The following ARMH3 variants were observed in gnomAD, a reference collection of about 807,000 sequenced individuals.
ARMH3 encodes armadillo-like helical domain-containing protein 3.
Under a neutral mutation model 99.1 loss-of-function variants are expected in ARMH3, and 60 were observed. The ratio of observed to expected loss-of-function variants is 0.61; its 90% CI spans 0.49 to 0.75. The LOEUF is 0.75. Among genes scored for constraint, ARMH3 ranks in the 30% least tolerant of loss-of-function variants. The pLI, the probability that ARMH3 is intolerant of heterozygous loss-of-function variation, is 0.00. For synonymous variants in ARMH3, 285 were observed against 292.8 expected (o/e 0.97, Z 0.27); for missense variants, 679 against 843.1 (o/e 0.81, Z 2.41).
At chr10:102,032,886 G>A (rs2067164901) in intron 4 of ARMH3, 140 bp downstream of exon 4, 9 of 875,952 alleles carry the variant, frequency 1.0e-5, no homozygotes, top group Non-Finnish European at 1.6e-5. Context: ...AACAAACGTG[G>A]CATAAATATT....
At chr10:101,900,920 G>A (rs2067958766) in intron 23 of ARMH3, among the ~76,000 whole-genome samples, 1 of 151,940 alleles carries the variant, frequency 6.6e-6, no homozygotes, top group Non-Finnish European at 1.5e-5. Context: ...GGAGTTTGAG[G>A]TTACAGTGAG....
Position 101,849,842 on chromosome 10 carries a change from C to T in ARMH3, c.1911G>A (p.Gln637=). 1 of 1,614,202 alleles carries T rather than the reference C, an allele frequency of 6.2e-7. No individual in the cohort carries two copies. The highest frequency in any genetic ancestry group is 8.5e-7 in the Non-Finnish European group (1 of 1,180,040). The part of the protein sequence containing the change: ...ANYDTLTLKL[Q]DGLDQYERYS... Reference sequence around the variant, plus strand: ...AGCGCTCATACTGGTCCAGGCCATCCTGCAGCTTCAGCGTGAGCGTGTCAT... The same window carrying T: ...AGCGCTCATACTGGTCCAGGCCATCTTGCAGCTTCAGCGTGAGCGTGTCAT... The change falls in exon 25 of 26, where the codon CAG becomes CAA. Residue 637 remains glutamine (Q), a synonymous_variant. Transcript: ENST00000370033.
chr10:101,952,857 C>T (rs999620318), intron 22 of ARMH3, among the ~76,000 whole-genome samples: 2 of 152,222 alleles, frequency 1.3e-5, no homozygotes, highest in Non-Finnish European at 2.9e-5. Context: ...TGGTAATCAT[C>T]ATCCTACTTT....
At chr10:101,904,883 C>G (rs573455194) in intron 23 of ARMH3, among the ~76,000 whole-genome samples, 5 of 146,192 alleles carry the variant, frequency 3.4e-5, no homozygotes, top group South Asian at 2.1e-4. Context: ...ACTCGGGAGG[C>G]AGAGGTTGCA....
chr10:101,885,059 G>A (rs2067507294), intron 24 of ARMH3, among the ~76,000 whole-genome samples: 1 of 152,058 alleles, frequency 6.6e-6, no homozygotes, highest in African/African-American at 2.4e-5. Flanking sequence ...TACATGAAGA[G>A]ATGCTCAATA....
intron 22 of ARMH3, among the ~76,000 whole-genome samples, chr10:101,946,713 A>C (rs1844548478): frequency 1.3e-5 from 2 of 152,278 alleles, no homozygotes; most frequent in African/African-American, 4.8e-5. Context: ...GTCTCAGAAA[A>C]GGAGGAGACA....
At position 102,036,079 on chromosome 10, in the gene ARMH3, ACCTCCGCCCGG is replaced by A. The variant is rs1040596332; in HGVS notation, c.103-2751_103-2741del. Among the ~76,000 whole-genome samples the A allele has an allele frequency of 2.4e-5, 3 of 126,812 alleles. No individual in the cohort carries two copies. The East Asian group carries it at 7.7e-4, about 33-fold the overall frequency. The allele number at this position is 126,812 out of a possible 152,430, so 83.2% of individuals were successfully genotyped here. The stretch of plus-strand genomic sequence containing the variant: ...CCGCCCCGTCTGGGAAGTGAGGAGC[ACCTCCGCCCGG>A]CAGCCACCCCGTCTGGGAGGGAGGT... On this transcript the variant is annotated intron_variant, in intron 2 of 25. Coordinates refer to ENST00000370033, the MANE Select transcript of ARMH3 (RefSeq NM_024541.3).
intron 24 of ARMH3, among the ~76,000 whole-genome samples, chr10:101,852,619 C>A (rs2066629773): frequency 6.6e-6 from 1 of 151,950 alleles, no homozygotes; most frequent in Admixed American, 6.6e-5. Context: ...AGTGGTGGTG[C>A]GCACCTATAA....
intron 20 of ARMH3, among the ~76,000 whole-genome samples, chr10:101,969,832 G>C (rs1263014788): frequency 2.0e-5 from 3 of 152,142 alleles, no homozygotes. Context: ...ACTCTGTTTA[G>C]CGTCTGGTTC....
intron 23 of ARMH3, among the ~76,000 whole-genome samples, chr10:101,910,966 C>T (rs772326720): frequency 7.3e-5 from 11 of 151,710 alleles, no homozygotes; most frequent in Non-Finnish European, 1.5e-4. Flanking sequence ...ATGGTGAAAC[C>T]CCATCTCTAC....
chr10:101,974,927 A>G (rs1378509517), intron 20 of ARMH3, among the ~76,000 whole-genome samples: 1 of 152,034 alleles, frequency 6.6e-6, no homozygotes, highest in Non-Finnish European at 1.5e-5. Context: ...TTATTGGAAC[A>G]CAAGAAATAC....
chr10:101,947,228 A>G (rs1422580643), intron 22 of ARMH3, among the ~76,000 whole-genome samples: 1 of 152,100 alleles, frequency 6.6e-6, no homozygotes, highest in Non-Finnish European at 1.5e-5. Context: ...AACATACTAC[A>G]AACAATGGAA....
At chr10:102,013,889 G>A in intron 9 of ARMH3, 79 bp downstream of exon 9, 1 of 1,229,862 alleles carries the variant, frequency 8.1e-7, no homozygotes, top group Middle Eastern at 1.9e-4. Flanking sequence ...TCTGCTCTCT[G>A]TTCTAAATGT....
intron 11 of ARMH3, among the ~76,000 whole-genome samples, chr10:102,010,526 T>C (rs934896575): frequency 6.6e-6 from 1 of 152,208 alleles, no homozygotes; most frequent in African/African-American, 2.4e-5. Context: ...CCACTCTCCA[T>C]TTTTCAGATA....
chr10:102,022,158 T>C (rs772780193), intron 8 of ARMH3, among the ~76,000 whole-genome samples: 4 of 152,132 alleles, frequency 2.6e-5, no homozygotes, highest in African/African-American at 7.2e-5. Context: ...CGCTCTCTCA[T>C]GTTCACGACA....
rs748809662 is a variant in ARMH3 at position 102,037,641 on chromosome 10, T to G, written c.102+2372A>C. Among the ~76,000 whole-genome samples the G allele has an allele frequency of 3.4e-4, 51 of 152,142 alleles. 1 individual carries two copies. The highest frequency in any genetic ancestry group is 4.6e-4 in the Non-Finnish European group (31 of 68,016). ...CAGGCTGGATGCAATGGTGCAATTATAGCTAGCTGCTGCCTTGAACTCCTA... is the reference window on the plus strand; with the variant it reads ...CAGGCTGGATGCAATGGTGCAATTAGAGCTAGCTGCTGCCTTGAACTCCTA... On this transcript the variant is annotated intron_variant, in intron 2 of 25. Transcript: ENST00000370033.
intron 23 of ARMH3, among the ~76,000 whole-genome samples, chr10:101,937,475 C>T (rs532819118): frequency 1.6e-4 from 24 of 150,874 alleles, no homozygotes; most frequent in African/African-American, 1.7e-4. Context: ...GCAGAAATCG[C>T]GCCACTGCAC....
chr10:101,990,385 G>A (rs936233448), intron 19 of ARMH3, among the ~76,000 whole-genome samples, 166 bp downstream of exon 19: 11 of 151,688 alleles, frequency 7.3e-5, no homozygotes, highest in African/African-American at 2.4e-4. Flanking sequence ...GGGTTTCACC[G>A]TGGTCTCGAT....
In ARMH3 at chr10:101,847,437, C is replaced by G; in HGVS notation, c.*91G>C. 1 of 1,332,526 alleles carries G rather than the reference C, an allele frequency of 7.5e-7. No homozygotes were observed. 82.5% of individuals were successfully genotyped at this position (1,332,526 alleles called of 1,614,324 possible). ...CTTGGTATCTGTGTTTCTCTCCAAC[C>G]TCGGGGGCAGCCCCCTCTCCCCTCG... On this transcript the variant is annotated 3_prime_UTR_variant, in exon 26 of 26. Transcript: ENST00000370033.
Sources: allele counts gnomAD v4.1 joint callset (sites outside exome capture counted in the v4.1 genomes callset), GRCh38; gene constraint gnomAD v4.1.1; transcripts MANE v1.5; gene names NCBI Gene and HGNC (gene_info 2026-07-23, HGNC 2026-07-21).